The following INKA2 variants were observed in gnomAD, a reference collection of about 807,000 sequenced individuals.
INKA2 encodes inka box actin regulator 2.
In INKA2, 3 loss-of-function variants were observed where a neutral mutation model predicts 9.8. The ratio of observed to expected loss-of-function variants is 0.31; its 90% CI spans 0.14 to 0.79. The LOEUF (loss-of-function observed/expected upper bound fraction) is 0.79, where lower values mean the gene tolerates loss of function less well. Ranked by LOEUF, INKA2 falls within the 30% of genes least tolerant of loss-of-function variation. The pLI is 0.62. For synonymous variants in INKA2, 147 were observed against 143.3 expected (o/e 1.03, Z -0.18); for missense variants, 392 against 384.4 (o/e 1.02, Z -0.17).
At chr1:111,744,095 C>A (rs116362698), upstream of INKA2, among the ~76,000 whole-genome samples, 2,329 of 152,300 alleles carry the variant, frequency 0.015, 60 homozygotes, top group African/African-American at 0.053. Context: ...TTCTTGAAAG[C>A]ATCCAACTCC....
chr1:111,742,995 C>T (rs1458879254), upstream of INKA2, among the ~76,000 whole-genome samples: 1 of 152,196 alleles, frequency 6.6e-6, no homozygotes, highest in East Asian at 1.9e-4. Context: ...GCAGAGCAGG[C>T]AGGTGGCAAA....
intron 1 of INKA2, among the ~76,000 whole-genome samples, chr1:111,749,018 C>T (rs902786195): frequency 1.3e-5 from 2 of 152,226 alleles, no homozygotes; most frequent in African/African-American, 2.4e-5. Context: ...GGCTGAGTAA[C>T]AGCCCAAAGG....
chr1:111,743,973 G>A (rs915946925), upstream of INKA2, among the ~76,000 whole-genome samples: 7 of 152,256 alleles, frequency 4.6e-5, no homozygotes, highest in South Asian at 6.2e-4. Context: ...TCTCTCTAGG[G>A]AGAGGACCTT....
upstream of INKA2, among the ~76,000 whole-genome samples, chr1:111,741,659 A>G (rs1456741364): frequency 2.6e-5 from 4 of 152,224 alleles, no homozygotes; most frequent in East Asian, 1.9e-4. Context: ...AGTCTCCAGC[A>G]CGGTAGTCAG....
At chr1:111,738,682 A>G (rs1298764430) in intron 1 of INKA2, among the ~76,000 whole-genome samples, 2 of 151,910 alleles carry the variant, frequency 1.3e-5, no homozygotes, top group Non-Finnish European at 2.9e-5. Flanking sequence ...CCAGGGTGGT[A>G]CCCGCTTCCC....
intron 1 of INKA2, among the ~76,000 whole-genome samples, chr1:111,731,835 G>A (rs1344166206): frequency 1.3e-5 from 2 of 152,228 alleles, no homozygotes; most frequent in Non-Finnish European, 2.9e-5. Flanking sequence ...TTAGCACATA[G>A]TAATGACAGG....
At chr1:111,740,010 G>A (rs898640236), upstream of INKA2, 2 of 152,294 alleles carry the variant, frequency 1.3e-5, no homozygotes, top group Non-Finnish European at 1.5e-5. Flanking sequence ...TGGGGATACT[G>A]AGTATGACAG....
chr1:111,739,780 G>A (rs1571597117), upstream of INKA2: 1 of 152,988 alleles, frequency 6.5e-6, no homozygotes, highest in Non-Finnish European at 1.5e-5. Context: ...ATCAGGAAGG[G>A]AAACACCCCC....
chr1:111,753,543 G>A (rs1402038006), intron 1 of INKA2, among the ~76,000 whole-genome samples: 1 of 152,176 alleles, frequency 6.6e-6, no homozygotes, highest in Admixed American at 6.5e-5. Context: ...TGCAGTAACA[G>A]AATGCCTATA....
chr1:111,749,445 TGCGC>T (rs71708729), intron 1 of INKA2, among the ~76,000 whole-genome samples: 2,262 of 113,910 alleles, frequency 0.02, 56 homozygotes, highest in African/African-American at 0.059. Context: ...TGTGTGTGTG[TGCGC>T]GCGCGCGCGT....
chr1:111,734,210 C>T (rs1662965440), intron 1 of INKA2, among the ~76,000 whole-genome samples: 1 of 152,070 alleles, frequency 6.6e-6, no homozygotes, highest in African/African-American at 2.4e-5. Context: ...GCTTTCCCAA[C>T]ACAACCATCT....
At chr1:111,730,868 T>G (rs1662890662) in intron 1 of INKA2, among the ~76,000 whole-genome samples, 1 of 152,168 alleles carries the variant, frequency 6.6e-6, no homozygotes, top group Non-Finnish European at 1.5e-5. Context: ...ACATATTGAA[T>G]ATCACTGACC....
At position 111,722,932 on chromosome 1, in the gene INKA2, C is replaced by T. The variant is rs1458990627; in HGVS notation, c.*4036G>A. On this transcript the variant is annotated 3_prime_UTR_variant, in exon 2 of 2. Transcript: ENST00000357260. ...CCAGGCAGTGCTTGGACCGTAGGTG[C>T]ATTATGTCCTTTAAATCTCACAGCA... 16 of 616,286 alleles carry T rather than the reference C, an allele frequency of 2.6e-5. No individual in the cohort carries two copies. Among genetic ancestry groups the T allele is most frequent in the Non-Finnish European group, 4.1e-5 (14 of 343,222 alleles). 38.2% of individuals were successfully genotyped at this position (616,286 alleles called of 1,614,324 possible).
intron 1 of INKA2, among the ~76,000 whole-genome samples, chr1:111,733,325 C>T (rs1662951328): frequency 6.6e-6 from 1 of 152,168 alleles, no homozygotes; most frequent in African/African-American, 2.4e-5. Context: ...TCATCCTGAG[C>T]ACCACCAGTG....
upstream of INKA2, among the ~76,000 whole-genome samples, chr1:111,741,471 C>G (rs1663149996): frequency 6.6e-6 from 1 of 152,156 alleles, no homozygotes; most frequent in South Asian, 2.1e-4. Context: ...GTGAGAGCTG[C>G]CCCCAAGGAC....
chr1:111,753,787 C>T (rs1308907506), intron 1 of INKA2: 2 of 152,120 alleles, frequency 1.3e-5, no homozygotes, highest in Admixed American at 6.6e-5. Context: ...GAGAAGCTCA[C>T]AGTTTATTTA....
At chr1:111,751,659 T>G (rs1311780814) in intron 1 of INKA2, among the ~76,000 whole-genome samples, 1 of 152,180 alleles carries the variant, frequency 6.6e-6, no homozygotes, top group Non-Finnish European at 1.5e-5. Context: ...TACACTTCAC[T>G]CTCCTGCTCA....
chr1:111,741,020 A>G (rs1357795757), upstream of INKA2, among the ~76,000 whole-genome samples: 1 of 116,578 alleles, frequency 8.6e-6, no homozygotes, highest in Non-Finnish European at 1.7e-5. Context: ...AAAAAAAAAG[A>G]CAGGGGAGAG....
chr1:111,738,123 C>A (rs984016210), intron 1 of INKA2, among the ~76,000 whole-genome samples: 7 of 152,100 alleles, frequency 4.6e-5, no homozygotes, highest in African/African-American at 1.7e-4. Context: ...AAAAGTGAGA[C>A]TGAGAAGAGT....
Sources: allele counts gnomAD v4.1 joint callset (sites outside exome capture counted in the v4.1 genomes callset), GRCh38; gene constraint gnomAD v4.1.1; transcripts MANE v1.5; gene names NCBI Gene and HGNC (gene_info 2026-07-23, HGNC 2026-07-21).